The following TRPS1 variants were observed in gnomAD, a reference collection of about 807,000 sequenced individuals.
The protein encoded by TRPS1 is transcriptional repressor GATA binding 1, also known as zinc finger transcription factor Trps1.
A neutral mutation model predicts 101.2 loss-of-function variants in TRPS1; 6 were observed. That is an observed-to-expected ratio of 0.06 (90% CI 0.03 to 0.12). The LOEUF (loss-of-function observed/expected upper bound fraction) is 0.12, where lower values mean the gene tolerates loss of function less well. Among genes scored for constraint, TRPS1 ranks in the 10% least tolerant of loss-of-function variants. TRPS1 has a pLI of 1.00. For synonymous variants in TRPS1, 578 were observed against 589.8 expected, an observed-to-expected ratio of 0.98 and a Z score of 0.29; for missense variants, 1,363 against 1,567.0, an observed-to-expected ratio of 0.87 and a Z score of 2.20.
At chr8:115,441,868 A>G (rs887945219) in intron 5 of TRPS1, among the ~76,000 whole-genome samples, 2 of 122,094 alleles carry the variant, frequency 1.6e-5, no homozygotes, top group African/African-American at 6.2e-5. Context: ...ATTGAGAGTG[A>G]GAGAGAGAGA....
chr8:115,620,035 A>T lies in TRPS1; in HGVS notation c.63T>A (p.Pro21=), dbSNP rs1479864198. 1.2e-6 allele frequency: 2 copies of T among 1,613,990 alleles called. No individual in the cohort carries two copies. Among genetic ancestry groups the T allele is most frequent in the African/African-American group, 2.7e-5 (2 of 74,906 alleles). Residue 21 remains proline, a synonymous_variant, in exon 3 of 7, where the codon CCT becomes CCA. Transcript: ENST00000395715. Reference sequence around the variant, plus strand: ...CGCCTTCACTTGCAACGTTTCTCAGAGGGGGGTTCTTTTTCCGGACCATAT... The same window carrying T: ...CGCCTTCACTTGCAACGTTTCTCAGTGGGGGGTTCTTTTTCCGGACCATAT... ...FTNMVRKKNP[P]LRNVASEGEG...
intron 1 of TRPS1, chr8:115,637,333 A>G (rs1396378743): frequency 2.0e-6 from 2 of 984,582 alleles, no homozygotes; most frequent in East Asian, 1.1e-4. Flanking sequence ...TGAAGTTTCT[A>G]AAAAGAAGAG....
intron 5 of TRPS1, among the ~76,000 whole-genome samples, chr8:115,576,560 T>G (rs1405497054): frequency 6.6e-6 from 1 of 152,112 alleles, no homozygotes; most frequent in Non-Finnish European, 1.5e-5. Flanking sequence ...ACACGGCTAG[T>G]TAGTCACAAA....
At chr8:115,429,906 G>C (rs1316010094) in intron 5 of TRPS1, among the ~76,000 whole-genome samples, 1 of 151,974 alleles carries the variant, frequency 6.6e-6, no homozygotes, top group Non-Finnish European at 1.5e-5. Context: ...CTGTGTTAAA[G>C]AAATGTCATT....
intron 1 of TRPS1, among the ~76,000 whole-genome samples, chr8:115,624,996 T>G (rs1818474632): frequency 6.6e-6 from 1 of 151,790 alleles, no homozygotes; most frequent in Non-Finnish European, 1.5e-5. Context: ...ACATATTTAC[T>G]CCAACTAACC....
chr8:115,448,135 TGTGA>T (rs1227660189), intron 5 of TRPS1, among the ~76,000 whole-genome samples: 2 of 152,162 alleles, frequency 1.3e-5, no homozygotes, highest in Non-Finnish European at 2.9e-5. Context: ...CAACAACACT[TGTGA>T]GTATTATCTT....
At chr8:115,615,048 C>T (rs1818247433) in intron 3 of TRPS1, among the ~76,000 whole-genome samples, 1 of 152,088 alleles carries the variant, frequency 6.6e-6, no homozygotes, top group African/African-American at 2.4e-5. Context: ...AAAATATTTA[C>T]AACACAGAAA....
rs1226975442 is a variant in TRPS1, at chr8:115,442,799, T to TA, written c.2701-24348dup. On this transcript the variant is annotated intron_variant, in intron 5 of 6. Coordinates refer to ENST00000395715, the MANE Select transcript of TRPS1 (RefSeq NM_014112.5). Reference sequence around the variant, plus strand: ...CAACATGGTGAAACCCTGTCTCTACTAAAAAAAAAAGGCCAGGCGCGGTGG... The same window carrying TA: ...CAACATGGTGAAACCCTGTCTCTACTAAAAAAAAAAAGGCCAGGCGCGGTGG... Among the ~76,000 whole-genome samples the TA allele has an allele frequency of 1.1e-3, 159 of 144,254 alleles. 1 individual carries two copies. The highest frequency in any genetic ancestry group is 5.5e-3 in the South Asian group (25 of 4,532). 94.6% of individuals were successfully genotyped at this position (144,254 alleles called of 152,430 possible). A position where few individuals can be genotyped will look rare whatever the true frequency, so the allele number is the denominator to read the frequency against.
chr8:115,452,994 A>G (rs577110181), intron 5 of TRPS1, among the ~76,000 whole-genome samples: 1 of 152,148 alleles, frequency 6.6e-6, no homozygotes, highest in Non-Finnish European at 1.5e-5. Flanking sequence ...ACAGTATAGT[A>G]ATAAAATAAT....
chr8:115,565,843 A>C (rs1272096719), intron 5 of TRPS1, among the ~76,000 whole-genome samples: 1 of 151,600 alleles, frequency 6.6e-6, no homozygotes, highest in East Asian at 1.9e-4. Flanking sequence ...CAGCACCAAG[A>C]AGAAGCATCA....
chr8:115,584,108 T>G (rs754002390), intron 5 of TRPS1, among the ~76,000 whole-genome samples: 21 of 152,020 alleles, frequency 1.4e-4, no homozygotes, highest in Non-Finnish European at 2.9e-5. Context: ...CAATCCTAAC[T>G]ACATTCAGCC....
intron 5 of TRPS1, among the ~76,000 whole-genome samples, chr8:115,551,807 T>C (rs1400670618): frequency 6.6e-6 from 1 of 152,214 alleles, no homozygotes; most frequent in Non-Finnish European, 1.5e-5. Context: ...ATGCATTTTA[T>C]AATCTAAATT....
intron 5 of TRPS1, among the ~76,000 whole-genome samples, chr8:115,464,449 ACTGT>A (rs1291910974): frequency 3.9e-5 from 6 of 152,118 alleles, no homozygotes; most frequent in African/African-American, 1.2e-4. Flanking sequence ...TATTTAGGAA[ACTGT>A]CTGAAGTCTG....
chr8:115,564,182 T>C (rs1332508769), intron 5 of TRPS1, among the ~76,000 whole-genome samples: 4 of 152,072 alleles, frequency 2.6e-5, no homozygotes, highest in African/African-American at 9.7e-5. Flanking sequence ...ATAGCAGCGA[T>C]TAAATACAAT....
At position 115,661,384 on chromosome 8, in the gene TRPS1, T is replaced by G. The variant is rs1811791834; in HGVS notation, c.-122+7161A>C. ...AAGATGTGTCTAAGTATTATCGGTCTACATACATTCCACATATAAAACACA... is the reference window on the plus strand; with the variant it reads ...AAGATGTGTCTAAGTATTATCGGTCGACATACATTCCACATATAAAACACA... On this transcript the variant is annotated intron_variant, in intron 1 of 6. Transcript: ENST00000395715. Among the ~76,000 whole-genome samples the G allele has an allele frequency of 2.0e-5, 3 of 152,052 alleles. 1 individual carries two copies. The South Asian group carries it at 6.2e-4, about 31-fold the overall frequency.
At chr8:115,461,105 T>A (rs1220767329) in intron 5 of TRPS1, among the ~76,000 whole-genome samples, 2 of 152,134 alleles carry the variant, frequency 1.3e-5, no homozygotes, top group African/African-American at 2.4e-5. Flanking sequence ...TGTCATACAA[T>A]ATAATGAAAA....
chr8:115,543,027 C>T (rs938292406), intron 5 of TRPS1, among the ~76,000 whole-genome samples: 6 of 152,024 alleles, frequency 3.9e-5, no homozygotes, highest in Admixed American at 6.6e-5. Context: ...TTGACATAAA[C>T]GATTTCAGCA....
At chr8:115,624,597 A>G (rs1417954412) in intron 1 of TRPS1, among the ~76,000 whole-genome samples, 1 of 152,010 alleles carries the variant, frequency 6.6e-6, no homozygotes, top group African/African-American at 2.4e-5. Context: ...TGTAAAAATC[A>G]TAAATTTCTA....
chr8:115,486,658 G>T (rs1814887429), intron 5 of TRPS1, among the ~76,000 whole-genome samples: 1 of 152,186 alleles, frequency 6.6e-6, no homozygotes, highest in Non-Finnish European at 1.5e-5. Context: ...AGTTTTAATG[G>T]TCGGGATTGA....
Sources: gnomAD v4.1 joint callset for allele counts (sites outside exome capture counted in the v4.1 genomes callset) on GRCh38, gnomAD v4.1.1 for gene constraint, MANE v1.5 for transcripts, NCBI Gene and HGNC (gene_info 2026-07-23, HGNC 2026-07-21) for gene names.